The following HERPUD1 variants were observed in gnomAD, a reference collection of about 807,000 sequenced individuals.
The protein encoded by HERPUD1 is homocysteine inducible ER protein with ubiquitin like domain 1, also known as homocysteine-responsive endoplasmic reticulum-resident ubiquitin-like domain member 1 protein.
HERPUD1 carries 17 observed loss-of-function variants against 45.0 expected under a neutral mutation model. The ratio of observed to expected loss-of-function variants is 0.38; its 90% CI spans 0.26 to 0.57. The LOEUF is 0.57. Among genes scored for constraint, HERPUD1 ranks in the 20% least tolerant of loss-of-function variants. The pLI, the probability that HERPUD1 is intolerant of heterozygous loss-of-function variation, is 0.72. For synonymous variants in HERPUD1, 164 were observed against 177.5 expected, an observed-to-expected ratio of 0.92 and a Z score of 0.61; for missense variants, 420 against 490.5, an observed-to-expected ratio of 0.86 and a Z score of 1.36.
At position 56,942,165 on chromosome 16, in the gene HERPUD1, G is replaced by T. The variant is rs758137271; in HGVS notation, c.939G>T (p.Arg313Ser). The T allele has an allele frequency of 1.9e-6, 3 of 1,614,078 alleles. No individual in the cohort carries two copies. The highest frequency in any genetic ancestry group is 2.5e-6 in the Non-Finnish European group (3 of 1,179,992). ...HHVGWFPFRP[R>S]PVQNFPNDGP... ...TTGGGTGGTTTCCATTTAGACCGAGGCCGGTTCAGAACTTCCCAAATGATG... is the reference window on the plus strand; with the variant it reads ...TTGGGTGGTTTCCATTTAGACCGAGTCCGGTTCAGAACTTCCCAAATGATG... The change falls in exon 7 of 8, where the codon AGG (arginine) becomes AGT (serine). Residue 313 changes from arginine to serine, a missense_variant. Arg to Ser is a moderately radical substitution (Grantham distance 110). Coordinates refer to ENST00000439977, the MANE Select transcript of HERPUD1 (RefSeq NM_014685.4).
chr16:56,937,508 C>A (rs2055875586), intron 4 of HERPUD1: 1 of 151,986 alleles, frequency 6.6e-6, no homozygotes, highest in Non-Finnish European at 1.5e-5. Context: ...CTTAATGGAA[C>A]TTTCAAATAT....
rs1338152878 is a variant in HERPUD1 at position 56,935,455 on chromosome 16, A to G, written c.280A>G (p.Met94Val). The change falls in exon 3 of 8, where the codon ATG becomes GTG. Residue 94 changes from methionine to valine, a missense_variant. Transcript: ENST00000439977. The stretch of plus-strand genomic sequence containing the variant: ...GTGCAATGTGAAGAGTCCTTCAAAA[A>G]TGCCAGAAATCAACGCCAAGGTGTG... Reference protein sequence around the residue: ...LVCNVKSPSKMPEINAKVAES... With the variant: ...LVCNVKSPSKVPEINAKVAES... 1 of 1,614,196 alleles carries G rather than the reference A, an allele frequency of 6.2e-7. No individual in the cohort carries two copies.
chr16:56,937,818 C>T (rs2055878158), intron 4 of HERPUD1, among the ~76,000 whole-genome samples: 1 of 151,214 alleles, frequency 6.6e-6, no homozygotes, highest in African/African-American at 2.4e-5. Flanking sequence ...TCAAAAACAG[C>T]ATCATACCAA....
chr16:56,935,091 A>G (rs1304190906), intron 1 of HERPUD1, 144 bp from the exon 2 acceptor site: 7 of 631,060 alleles, frequency 1.1e-5, no homozygotes, highest in Admixed American at 2.7e-5. Context: ...AGTCTTGTAT[A>G]TGGGGCTTTT....
chr16:56,939,928 T>C lies in HERPUD1; in HGVS notation c.588T>C (p.Val196=). 6.2e-7 allele frequency: 1 copy of C among 1,612,074 alleles called. No individual in the cohort carries two copies. Among genetic ancestry groups the C allele is most frequent in the Non-Finnish European group, 8.5e-7 (1 of 1,178,142 alleles). ...CCACTGCTGCATCAGGGGCTTTTGT[T>C]CCACCACCAAGTGCACAAGAGATAC... ...LAATAASGAF[V]PPPSAQEIPV... is the part of the protein sequence containing the mutation. The change falls in exon 6 of 8, where the codon GTT becomes GTC. Residue 196 remains valine, a synonymous_variant. Coordinates refer to ENST00000439977, the MANE Select transcript of HERPUD1 (RefSeq NM_014685.4).
chr16:56,942,193 C>G lies in HERPUD1; in HGVS notation c.967C>G (p.Pro323Ala). The change falls in exon 7 of 8, where the codon CCT (proline) becomes GCT (alanine). Residue 323 changes from proline (P) to alanine (A), a missense_variant. Coordinates refer to ENST00000439977, the MANE Select transcript of HERPUD1 (RefSeq NM_014685.4). ...GGTTCAGAACTTCCCAAATGATGGT[C>G]CTCCTCCTGACGTTGTAAATCAGGA... ...RPVQNFPNDG[P>A]PPDVVNQDPN... 3 of 1,614,086 alleles carry G rather than the reference C, an allele frequency of 1.9e-6. No individual in the cohort carries two copies. The highest frequency in any genetic ancestry group is 2.5e-6 in the Non-Finnish European group (3 of 1,179,974).
rs184418117 is a variant in HERPUD1, at chr16:56,942,279, A to G, written c.1011+42A>G. On this transcript the variant is annotated intron_variant, in intron 7 of 7. Transcript: ENST00000439977. ...GAAGCCCAGGCGAGCTTGACGTGAT[A>G]TGCCAGGCTCTCCAATCCTCAACCT... The G allele has an allele frequency of 1.6e-4, 206 of 1,320,918 alleles. 1 individual carries two copies. Among genetic ancestry groups the G allele is most frequent in the Non-Finnish European group, 2.1e-4 (191 of 916,950 alleles). 81.8% of individuals were successfully genotyped at this position (1,320,918 alleles called of 1,614,324 possible). A position where few individuals can be genotyped will look rare whatever the true frequency, so the allele number is the denominator to read the frequency against.
At chr16:56,932,537 C>A (rs2055834704) in intron 1 of HERPUD1, 146 bp downstream of exon 1, 1 of 767,208 alleles carries the variant, frequency 1.3e-6, no homozygotes, top group African/African-American at 1.8e-5. Flanking sequence ...GCTGTGGTCT[C>A]CCCTTCCCTG....
Position 56,932,158 on chromosome 16 carries a change from C to T in HERPUD1, c.-87C>T, listed in dbSNP as rs2055828837. ...GGGGCGCGCGCCCCAGAGACGTGAA[C>T]TGTCGTTGCAGAGATTGCGGGCGGC... is the stretch of plus-strand genomic sequence containing the variant. On this transcript the variant is annotated 5_prime_UTR_variant, in exon 1 of 8. Transcript: ENST00000439977. The T allele has an allele frequency of 3.2e-6, 5 of 1,553,106 alleles. No homozygotes were observed. Among genetic ancestry groups the T allele is most frequent in the Admixed American group, 1.9e-5 (1 of 52,226 alleles).
At chr16:56,941,950 T>G (rs1335827905) in intron 6 of HERPUD1, 182 bp from the exon 7 acceptor site, 1 of 569,152 alleles carries the variant, frequency 1.8e-6, no homozygotes, top group East Asian at 2.9e-5. Context: ...AGTCCCTGCC[T>G]TCAAGGACCT....
chr16:56,939,903 C>T lies in HERPUD1; in HGVS notation c.563C>T (p.Ala188Val). The T allele has an allele frequency of 6.2e-7, 1 of 1,608,522 alleles. No individual in the cohort carries two copies. ...ARQYYMQYLA[A>V]TAASGAFVPP... Reference sequence around the variant, plus strand: ...TGTCGTTTTTATTTTAGTTTAGCAGCCACTGCTGCATCAGGGGCTTTTGTT... The same window carrying T: ...TGTCGTTTTTATTTTAGTTTAGCAGTCACTGCTGCATCAGGGGCTTTTGTT... The change falls in exon 6 of 8, where the codon GCC becomes GTC. Residue 188 changes from alanine to valine, a missense_variant. Physicochemically the swap from Ala to Val is moderately conservative, Grantham distance 64 (BLOSUM62 0). Coordinates refer to ENST00000439977, the MANE Select transcript of HERPUD1 (RefSeq NM_014685.4).
intron 7 of HERPUD1, among the ~76,000 whole-genome samples, chr16:56,942,630 A>G (rs4784738): frequency 0.98 from 149,861 of 152,292 alleles, 73,744 homozygotes; most frequent in East Asian, 1. Context: ...TGAGGCAGGT[A>G]GATCACCTGA....
At chr16:56,941,477 T>G (rs1364662752) in intron 6 of HERPUD1, 3 of 152,148 alleles carry the variant, frequency 2.0e-5, no homozygotes, top group South Asian at 2.1e-4. Flanking sequence ...CAGTAAATAT[T>G]TGGCTCAATA....
chr16:56,938,446 C>G (rs1182119778), intron 4 of HERPUD1, among the ~76,000 whole-genome samples: 12 of 152,028 alleles, frequency 7.9e-5, no homozygotes, highest in Admixed American at 7.9e-4. Flanking sequence ...GCCCGTAGTC[C>G]CAGCTACTGG....
chr16:56,942,352 A>T, intron 7 of HERPUD1, 115 bp downstream of exon 7: 1 of 644,502 alleles, frequency 1.6e-6, no homozygotes, highest in Non-Finnish European at 2.7e-6. Flanking sequence ...TAAATATTTC[A>T]TGATTTGTTC....
At position 56,943,461 on chromosome 16, in the gene HERPUD1, A is replaced by G. The variant is rs1353639205; in HGVS notation, c.*171A>G. Reference sequence around the variant, plus strand: ...GCAGAAACGTGAAGCCGTGATACAAATTGGTGAACAAAAAATGCCCAAGGC... The same window carrying G: ...GCAGAAACGTGAAGCCGTGATACAAGTTGGTGAACAAAAAATGCCCAAGGC... On this transcript the variant is annotated 3_prime_UTR_variant, in exon 8 of 8. Coordinates refer to ENST00000439977, the MANE Select transcript of HERPUD1 (RefSeq NM_014685.4). 1 of 774,698 alleles carries G rather than the reference A, an allele frequency of 1.3e-6. No individual in the cohort carries two copies. The highest frequency in any genetic ancestry group is 1.7e-5 in the African/African-American group (1 of 58,384). 48.0% of individuals were successfully genotyped at this position (774,698 alleles called of 1,614,324 possible).
At position 56,935,421 on chromosome 16, in the gene HERPUD1, G is replaced by C. The variant is rs776157845; in HGVS notation, c.246G>C (p.Leu82Phe). 2.5e-6 allele frequency: 4 copies of C among 1,614,042 alleles called. No homozygotes were observed. In the African/African-American group the frequency reaches 5.3e-5, roughly 22 times the overall value. Residue 82 changes from leucine (L) to phenylalanine (F), a missense_variant, in exon 3 of 8, where the codon TTG (leucine) becomes TTC (phenylalanine). Leu to Phe is a conservative substitution (Grantham distance 22). Transcript: ENST00000439977. Reference protein sequence around the residue: ...LLPKQEKRHVLHLVCNVKSPS... With the variant: ...LLPKQEKRHVFHLVCNVKSPS... ...TTTAGCAGGAAAAACGGCATGTTTTGCATCTGGTGTGCAATGTGAAGAGTC... is the reference window on the plus strand; with the variant it reads ...TTTAGCAGGAAAAACGGCATGTTTTCCATCTGGTGTGCAATGTGAAGAGTC...
intron 6 of HERPUD1, chr16:56,941,568 G>A (rs1225225322): frequency 6.6e-6 from 1 of 152,078 alleles, no homozygotes; most frequent in Non-Finnish European, 1.5e-5. Flanking sequence ...AAATTTTCCT[G>A]TATAGTAAAA....
chr16:56,943,410 T>C lies in HERPUD1; in HGVS notation c.*120T>C, dbSNP rs1489435451. 5.1e-6 allele frequency: 6 copies of C among 1,172,428 alleles called. No homozygotes were observed. The highest frequency in any genetic ancestry group is 1.2e-5 in the South Asian group (1 of 81,942). 72.6% of individuals were successfully genotyped at this position (1,172,428 alleles called of 1,614,324 possible). A position where few individuals can be genotyped will look rare whatever the true frequency, so the allele number is the denominator to read the frequency against. ...AGTTTTTAAAAAACAGTGTGGATGA[T>C]GATATGCTTTTGTGAGCAAGCAAAA... is the stretch of plus-strand genomic sequence containing the variant. On this transcript the variant is annotated 3_prime_UTR_variant, in exon 8 of 8. Coordinates refer to ENST00000439977, the MANE Select transcript of HERPUD1 (RefSeq NM_014685.4).
Sources: gnomAD v4.1 joint callset for allele counts (sites outside exome capture counted in the v4.1 genomes callset) on GRCh38, gnomAD v4.1.1 for gene constraint, MANE v1.5 for transcripts, NCBI Gene and HGNC (gene_info 2026-07-23, HGNC 2026-07-21) for gene names.